ATF7: variants seen among roughly 807,000 people sequenced by gnomAD.
ATF7 encodes the protein cyclic AMP-dependent transcription factor ATF-7.
A neutral mutation model predicts 50.4 loss-of-function variants in ATF7; 10 were observed. The observed-to-expected ratio is 0.20, with a 90% CI of 0.12 to 0.34. ATF7 has a LOEUF of 0.34. Among genes scored for constraint, ATF7 ranks in the 10% least tolerant of loss-of-function variants. The pLI, the probability that ATF7 is intolerant of heterozygous loss-of-function variation, is 1.00. For synonymous variants in ATF7, 201 were observed against 226.4 expected, an observed-to-expected ratio of 0.89 and a Z score of 1.01; for missense variants, 465 against 613.9, an observed-to-expected ratio of 0.76 and a Z score of 2.56.
chr12:53,624,341 C>T (rs572000149), intron 1 of ATF7, among the ~76,000 whole-genome samples: 3 of 152,332 alleles, frequency 2.0e-5, no homozygotes, highest in East Asian at 3.9e-4. Context: ...AATACAACTA[C>T]GTACTCTGGT....
At chr12:53,597,293 G>A (rs1225754835) in intron 2 of ATF7, among the ~76,000 whole-genome samples, 1 of 152,070 alleles carries the variant, frequency 6.6e-6, no homozygotes, top group Admixed American at 6.6e-5. Flanking sequence ...AGCCATTAAA[G>A]ACCTAGCAAC....
intron 2 of ATF7, among the ~76,000 whole-genome samples, chr12:53,561,105 G>A (rs985438921): frequency 2.0e-5 from 3 of 151,670 alleles, no homozygotes; most frequent in Admixed American, 6.6e-5. Context: ...ACCACCATGG[G>A]CTATTGTTTT....
intron 2 of ATF7, among the ~76,000 whole-genome samples, chr12:53,584,864 G>C (rs1353189858): frequency 1.3e-5 from 2 of 152,188 alleles, no homozygotes; most frequent in African/African-American, 4.8e-5. Context: ...GTTTTGGCAA[G>C]ATCAGTGCTT....
rs1190536818 is a variant in ATF7 at position 53,516,136 on chromosome 12, C to T, written c.*1001G>A. ...GGAGCAGAAAAATGACCAAAGATGACAATATGCTTTGGCCGGTAAACTCTT... is the reference window on the plus strand; with the variant it reads ...GGAGCAGAAAAATGACCAAAGATGATAATATGCTTTGGCCGGTAAACTCTT... On this transcript the variant is annotated 3_prime_UTR_variant, in exon 12 of 12. Coordinates refer to ENST00000420353, the MANE Select transcript of ATF7 (RefSeq NM_006856.3). 6.6e-6 allele frequency: 1 copy of T among 152,172 alleles called. No individual in the cohort carries two copies. Among genetic ancestry groups the T allele is most frequent in the Non-Finnish European group, 1.5e-5 (1 of 68,062 alleles). The allele number at this position is 152,172 out of a possible 1,614,324, so 9.4% of individuals were successfully genotyped here. A position where few individuals can be genotyped will look rare whatever the true frequency, so the allele number is the denominator to read the frequency against.
At chr12:53,525,841 T>G (rs560106830) in intron 9 of ATF7, among the ~76,000 whole-genome samples, 1 of 152,124 alleles carries the variant, frequency 6.6e-6, no homozygotes, top group South Asian at 2.1e-4. Context: ...AGGTCAACCA[T>G]CTGTAGAAAA....
rs1280314066 is a variant in ATF7 at position 53,536,996 on chromosome 12, G to T, written c.402+419C>A. The stretch of plus-strand genomic sequence containing the variant: ...TCCATATAGACTTATAAGTGAAATT[G>T]CTGGGAAGGAGAATAGGTATAATTT... On this transcript the variant is annotated intron_variant, in intron 5 of 11. Transcript: ENST00000420353. Among the ~76,000 whole-genome samples, 4 of 152,134 alleles carry T rather than the reference G, an allele frequency of 2.6e-5. No individual in the cohort carries two copies. The East Asian group carries it at 7.7e-4, about 29-fold the overall frequency.
downstream of ATF7, among the ~76,000 whole-genome samples, chr12:53,511,712 A>C (rs2137288929): frequency 6.6e-6 from 1 of 152,342 alleles, no homozygotes; most frequent in South Asian, 2.1e-4. Context: ...ACTGAAAAGT[A>C]AAAGGCCATT....
chr12:53,531,619 A>G, intron 9 of ATF7, 125 bp downstream of exon 9: 1 of 1,103,078 alleles, frequency 9.1e-7, no homozygotes, highest in Non-Finnish European at 1.2e-6. Context: ...ATCAAGAACC[A>G]AAGTAAGCAG....
intron 3 of ATF7, 54 bp downstream of exon 3, chr12:53,552,487 T>C (rs1473326147): frequency 4.4e-6 from 6 of 1,371,610 alleles, no homozygotes; most frequent in Non-Finnish European, 6.2e-6. Context: ...TCTCTGGTAT[T>C]AATCTTAACT....
chr12:53,520,647 C>T (rs1400148816), intron 11 of ATF7, among the ~76,000 whole-genome samples: 1 of 152,100 alleles, frequency 6.6e-6, no homozygotes, highest in Non-Finnish European at 1.5e-5. Context: ...TTGACATCTC[C>T]ACCTGTAAGC....
intron 2 of ATF7, among the ~76,000 whole-genome samples, chr12:53,556,227 T>C (rs888058719): frequency 6.6e-6 from 1 of 152,218 alleles, no homozygotes; most frequent in Admixed American, 6.5e-5. Context: ...TTTTATCATA[T>C]ATTTTTGAAA....
intron 9 of ATF7, among the ~76,000 whole-genome samples, chr12:53,526,844 C>T (rs1001743216): frequency 6.6e-6 from 1 of 151,156 alleles, no homozygotes; most frequent in Non-Finnish European, 1.5e-5. Flanking sequence ...GAGCAACACT[C>T]GGTCTCTAAA....
In ATF7 at chr12:53,624,241, G is replaced by A. The variant is rs144222450; in HGVS notation, c.-22+2038C>T. Among the ~76,000 whole-genome samples the A allele has an allele frequency of 8.5e-5, 13 of 152,286 alleles. No individual in the cohort carries two copies. In the East Asian group the frequency reaches 1.7e-3, roughly 20 times the overall value. On this transcript the variant is annotated intron_variant, in intron 1 of 11. Transcript: ENST00000420353. ...ACCCAGCTCAGTAGTTAATGCTAAC[G>A]GGTCAGCAATGAATTGGTCTCAATG...
intron 11 of ATF7, chr12:53,517,728 C>CCTG: frequency 4.6e-6 from 1 of 219,616 alleles, no homozygotes; most frequent in Non-Finnish European, 9.3e-6. Flanking sequence ...CTGCCTTGGC[C>CCTG]TCTCAAAGTG....
At chr12:53,593,800 G>A (rs952940027) in intron 2 of ATF7, among the ~76,000 whole-genome samples, 5 of 152,126 alleles carry the variant, frequency 3.3e-5, no homozygotes, top group Non-Finnish European at 7.4e-5. Context: ...GAGACCCAGC[G>A]GGTCCAGAGG....
At chr12:53,606,547 C>A (rs1202704065) in intron 1 of ATF7, among the ~76,000 whole-genome samples, 1 of 151,864 alleles carries the variant, frequency 6.6e-6, no homozygotes, top group Non-Finnish European at 1.5e-5. Context: ...TGTGCCTGGC[C>A]TGGCACGTTT....
chr12:53,531,603 A>G, intron 9 of ATF7, 141 bp downstream of exon 9: 1 of 833,132 alleles, frequency 1.2e-6, no homozygotes, highest in East Asian at 2.7e-5. Context: ...CTATAGTCAA[A>G]CTGCCATCAA....
chr12:53,574,940 A>G, intron 2 of ATF7: 1 of 258,742 alleles, frequency 3.9e-6, no homozygotes, highest in South Asian at 4.8e-5. Context: ...CTTTCTTGCC[A>G]TTGAGCTTAA....
At chr12:53,609,641 TAA>T (rs74845346) in intron 1 of ATF7, among the ~76,000 whole-genome samples, 27 of 133,134 alleles carry the variant, frequency 2.0e-4, no homozygotes, top group African/African-American at 4.6e-4. Context: ...CTGGGACTCT[TAA>T]AAAAAAAAAA....
Sources: allele counts gnomAD v4.1 joint callset (sites outside exome capture counted in the v4.1 genomes callset), GRCh38; gene constraint gnomAD v4.1.1; transcripts MANE v1.5; gene names NCBI Gene and HGNC (gene_info 2026-07-23, HGNC 2026-07-21).